PRKDC: variants seen among roughly 807,000 people sequenced by gnomAD.
PRKDC encodes the protein protein kinase, DNA-activated, catalytic subunit, also known as DNA-dependent protein kinase catalytic subunit.
A neutral mutation model predicts 486.9 loss-of-function variants in PRKDC; 82 were observed. The ratio of observed to expected loss-of-function variants is 0.17; its 90% CI spans 0.14 to 0.20. The LOEUF (loss-of-function observed/expected upper bound fraction) is 0.20, where lower values mean the gene tolerates loss of function less well. PRKDC is among the 10% of genes least tolerant of loss of function. PRKDC has a pLI of 1.00. For synonymous variants in PRKDC, 1,895 were observed against 1,837.0 expected, an observed-to-expected ratio of 1.03 and a Z score of -0.81; for missense variants, 4,504 against 5,038.2, an observed-to-expected ratio of 0.89 and a Z score of 3.21.
intron 7 of PRKDC, among the ~76,000 whole-genome samples, chr8:47,945,728 T>C (rs944407236): frequency 1.3e-5 from 2 of 151,634 alleles, no homozygotes; most frequent in South Asian, 2.1e-4. Flanking sequence ...GAAAATTCTA[T>C]CCTTTTTTTT....
chr8:47,837,964 C>T (rs747736145), intron 56 of PRKDC, among the ~76,000 whole-genome samples: 3 of 151,908 alleles, frequency 2.0e-5, no homozygotes, highest in Admixed American at 6.6e-5. Context: ...GGTGAAACCC[C>T]GTCTCTACTA....
Position 47,864,757 on chromosome 8 carries a change from T to C in PRKDC, c.5370A>G (p.Ser1790=). Residue 1790 remains serine (S), a synonymous_variant, in exon 41 of 86, where the codon TCA becomes TCG. Coordinates refer to ENST00000314191, the MANE Select transcript of PRKDC (RefSeq NM_006904.7). The part of the protein sequence containing the change: ...SSFRRIARRG[S]CVTQVGLLES... ...CCAGAAGGCCTACTTGTGTGACACA[T>C]GAACCCCTAAGAAAACAAGATAAAA... 2.5e-6 allele frequency: 4 copies of C among 1,582,910 alleles called. No homozygotes were observed. Among genetic ancestry groups the C allele is most frequent in the South Asian group, 1.2e-5 (1 of 86,948 alleles).
At chr8:47,810,185 G>GC (rs2087298788) in intron 68 of PRKDC, among the ~76,000 whole-genome samples, 5 of 151,012 alleles carry the variant, frequency 3.3e-5, no homozygotes, top group Admixed American at 3.3e-4. Context: ...TTATAAGCCA[G>GC]CATCTACACA....
In PRKDC at chr8:47,929,166, T is replaced by G. The variant is rs2154503490; in HGVS notation, c.2065A>C (p.Lys689Gln). The change falls in exon 19 of 86, where the codon AAG becomes CAG. Residue 689 changes from lysine to glutamine, a missense_variant. By Grantham distance (53) the Lys-to-Gln change is moderately conservative. Around this residue, in one of 6 missense-constraint regions of PRKDC, gnomAD observed 1,969 missense variants for 2,068.9 expected, o/e 0.95. Coordinates refer to ENST00000314191, the MANE Select transcript of PRKDC (RefSeq NM_006904.7). ...TCTTCAGGAGAGTGTTTCAGACTCT[T>G]TGGACTAACTCCCTGTCAAATAAAA... ...KIKYFEGVSP[K>Q]SLKHSPEDPE... 1 of 1,570,812 alleles carries G rather than the reference T, an allele frequency of 6.4e-7. No individual in the cohort carries two copies. Among genetic ancestry groups the G allele is most frequent in the Non-Finnish European group, 8.7e-7 (1 of 1,155,342 alleles).
chr8:47,849,621 T>C (rs1296666813), intron 52 of PRKDC, 118 bp from the exon 53 acceptor site: 6 of 1,179,256 alleles, frequency 5.1e-6, no homozygotes, highest in African/African-American at 1.5e-5. Flanking sequence ...TGTTGTCACC[T>C]ACAAGGTAGA....
intron 64 of PRKDC, among the ~76,000 whole-genome samples, chr8:47,823,465 G>A (rs546632373): frequency 1.3e-5 from 2 of 151,850 alleles, no homozygotes; most frequent in Non-Finnish European, 2.9e-5. Context: ...GCAGAAGGCA[G>A]CACCATACTT....
At chr8:47,884,145 T>A (rs1359029006) in intron 36 of PRKDC, among the ~76,000 whole-genome samples, 1 of 152,242 alleles carries the variant, frequency 6.6e-6, no homozygotes, top group East Asian at 1.9e-4. Flanking sequence ...TATTCAGCCA[T>A]GCCAGAGCCC....
intron 33 of PRKDC, 112 bp from the exon 34 acceptor site, chr8:47,888,762 C>T (rs575357236): frequency 1.1e-4 from 152 of 1,376,756 alleles, no homozygotes; most frequent in Non-Finnish European, 1.4e-4. Flanking sequence ...CAACATCTAA[C>T]AGGATCCACA....
At chr8:47,831,178 G>A (rs1046201506) in intron 60 of PRKDC, among the ~76,000 whole-genome samples, 7 of 152,132 alleles carry the variant, frequency 4.6e-5, no homozygotes, top group Non-Finnish European at 5.9e-5. Flanking sequence ...GGCGCAGCCC[G>A]GGAGGCCTCA....
chr8:47,801,832 C>T (rs1266625763), intron 70 of PRKDC, among the ~76,000 whole-genome samples: 1 of 152,172 alleles, frequency 6.6e-6, no homozygotes, highest in African/African-American at 2.4e-5. Flanking sequence ...GCCTGATCAA[C>T]CACATGCCCT....
intron 40 of PRKDC, among the ~76,000 whole-genome samples, chr8:47,872,428 T>C (rs1031228733): frequency 6.9e-6 from 1 of 144,822 alleles, no homozygotes; most frequent in East Asian, 2.0e-4. Context: ...TCCACACTTA[T>C]CAACAACAAC....
chr8:47,917,868 G>C (rs74808751), intron 22 of PRKDC, among the ~76,000 whole-genome samples: 1 of 151,618 alleles, frequency 6.6e-6, no homozygotes, highest in Admixed American at 6.6e-5. Flanking sequence ...AATTTTTTTT[G>C]TCAGGCCACT....
In PRKDC at chr8:47,799,267, T is replaced by C. The variant is rs774265354; in HGVS notation, c.10240A>G (p.Met3414Val). Residue 3414 changes from methionine to valine, a missense_variant, in exon 72 of 86, where the codon ATG becomes GTG. Met to Val is a conservative substitution (Grantham distance 21). Around this residue, in one of 6 missense-constraint regions of PRKDC, gnomAD observed 706 missense variants for 945.0 expected, o/e 0.75. Coordinates refer to ENST00000314191, the MANE Select transcript of PRKDC (RefSeq NM_006904.7). ...TGGTCACAGAAATCTGCCAGCGTCA[T>C]GTAAGCATCAATCACCCCAGCTGCA... ...GPAAGVIDAY[M>V]TLADFCDQQL... The C allele has an allele frequency of 5.0e-6, 8 of 1,613,894 alleles. No individual in the cohort carries two copies. Among genetic ancestry groups the C allele is most frequent in the African/African-American group, 1.3e-5 (1 of 75,052 alleles).
intron 49 of PRKDC, 50 bp downstream of exon 49, chr8:47,857,106 G>A (rs748416615): frequency 1.3e-6 from 2 of 1,572,578 alleles, no homozygotes; most frequent in African/African-American, 1.4e-5. Flanking sequence ...GGCTCTATAG[G>A]CTATTGGCAA....
At chr8:47,863,368 A>C (rs1418248996) in intron 42 of PRKDC, 31 bp downstream of exon 42, 1 of 1,525,358 alleles carries the variant, frequency 6.6e-7, no homozygotes. Flanking sequence ...TTGATAAATA[A>C]AATAGAATCC....
Position 47,901,706 on chromosome 8 carries a change from C to G in PRKDC, c.3269+863G>C, listed in dbSNP as rs185522687. On this transcript the variant is annotated intron_variant, in intron 27 of 85. Coordinates refer to ENST00000314191, the MANE Select transcript of PRKDC (RefSeq NM_006904.7). ...TCTGAAATGTAACCCTCACGAAGGG[C>G]TGTATCGTTATACCTCCAACATAGA... Among the ~76,000 whole-genome samples, 28 of 152,296 alleles carry G rather than the reference C, an allele frequency of 1.8e-4. No individual in the cohort carries two copies. The East Asian group carries it at 5.2e-3, about 28-fold the overall frequency.
At chr8:47,894,645 T>C (rs2089538925) in intron 30 of PRKDC, among the ~76,000 whole-genome samples, 1 of 152,174 alleles carries the variant, frequency 6.6e-6, no homozygotes, top group Admixed American at 6.5e-5. Context: ...CGCCAGGAGC[T>C]GTCTCTCTTG....
chr8:47,884,857 C>CAGAGAGTCAATGTG lies in PRKDC; in HGVS notation c.4776+1086_4776+1087insCACATTGACTCTCT, dbSNP rs530142348. Among the ~76,000 whole-genome samples, 604 of 152,242 alleles carry CAGAGAGTCAATGTG rather than the reference C, an allele frequency of 4.0e-3. 4 individuals carry two copies. Among genetic ancestry groups the CAGAGAGTCAATGTG allele is most frequent in the South Asian group, 0.025 (120 of 4,822 alleles). On this transcript the variant is annotated intron_variant, in intron 36 of 85. Coordinates refer to ENST00000314191, the MANE Select transcript of PRKDC (RefSeq NM_006904.7). ...CAACTATATATTAAATACTGATCTC[C>CAGAGAGTCAATGTG]AGGGAGAAAGGGGGACACAGCAGGA...
At chr8:47,819,339 A>T (rs1183048774) in intron 67 of PRKDC, 63 bp downstream of exon 67, 14 of 1,110,858 alleles carry the variant, frequency 1.3e-5, no homozygotes, top group Non-Finnish European at 1.8e-5. Flanking sequence ...GCAGAAAATA[A>T]TTTAGATGCT....
Sources: allele counts gnomAD v4.1 joint callset (sites outside exome capture counted in the v4.1 genomes callset), GRCh38; gene constraint gnomAD v4.1.1; regional missense constraint gnomAD v4.1.1; transcripts MANE v1.5; gene names NCBI Gene and HGNC (gene_info 2026-07-23, HGNC 2026-07-21).